Variants in SUSD5 observed in about 807,000 individuals in gnomAD.
SUSD5 encodes sushi domain containing 5, also known as sushi domain-containing protein 5.
A neutral mutation model predicts 29.5 loss-of-function variants in SUSD5; 33 were observed. That is an observed-to-expected ratio of 1.12 (90% CI 0.85 to 1.49). SUSD5 has a LOEUF of 1.49. Ranked by LOEUF, SUSD5 falls within the 40% of genes most tolerant of loss-of-function variation. SUSD5 has a pLI of 0.00. For missense variants in SUSD5, 776 were observed against 800.6 expected (o/e 0.97, Z 0.37); for synonymous variants, 308 against 325.3 (o/e 0.95, Z 0.57).
intron 3 of SUSD5, among the ~76,000 whole-genome samples, chr3:33,200,414 T>C (rs1436900952): frequency 6.6e-6 from 1 of 152,232 alleles, no homozygotes; most frequent in Non-Finnish European, 1.5e-5. Flanking sequence ...AGCTTTGGAA[T>C]TAACAGGTAG....
chr3:33,189,478 C>CAAAAAAAAAAAAAAA (rs71630568), intron 3 of SUSD5, among the ~76,000 whole-genome samples: 1 of 91,622 alleles, frequency 1.1e-5, no homozygotes, highest in Non-Finnish European at 2.0e-5. Context: ...CTCTCCTTCT[C>CAAAAAAAAAAAAAAA]AAAAAAAAAA....
chr3:33,176,417 G>C (rs2031553747), intron 3 of SUSD5, among the ~76,000 whole-genome samples: 1 of 152,184 alleles, frequency 6.6e-6, no homozygotes, highest in South Asian at 2.1e-4. Context: ...TGTAAGAACT[G>C]CCAAACTGTC....
At chr3:33,180,584 T>C (rs2031647528) in intron 3 of SUSD5, among the ~76,000 whole-genome samples, 1 of 152,110 alleles carries the variant, frequency 6.6e-6, no homozygotes, top group African/African-American at 2.4e-5. Context: ...CCCAACACTT[T>C]GGAAGGCTGA....
chr3:33,180,986 A>G (rs2031658833), intron 3 of SUSD5, among the ~76,000 whole-genome samples: 2 of 150,628 alleles, frequency 1.3e-5, no homozygotes, highest in South Asian at 4.2e-4. Flanking sequence ...CACCCAGCAA[A>G]TAATAATAAT....
Position 33,152,293 on chromosome 3 carries a change from G to C in SUSD5, c.*449C>G, listed in dbSNP as rs2030918328. 6.4e-6 allele frequency: 1 copy of C among 157,198 alleles called. No individual in the cohort carries two copies. The highest frequency in any genetic ancestry group is 2.4e-5 in the African/African-American group (1 of 41,472). 9.7% of individuals were successfully genotyped at this position (157,198 alleles called of 1,614,324 possible). On this transcript the variant is annotated 3_prime_UTR_variant, in exon 5 of 5. Coordinates refer to ENST00000309558, the MANE Select transcript of SUSD5 (RefSeq NM_015551.2). ...AAATTAGCTGGGCATGGTGGTGCATGCCTGTAATCCCACCTACTTGGGAGG... is the reference window on the plus strand; with the variant it reads ...AAATTAGCTGGGCATGGTGGTGCATCCCTGTAATCCCACCTACTTGGGAGG...
intron 4 of SUSD5, among the ~76,000 whole-genome samples, chr3:33,166,439 C>T (rs1057499840): frequency 2.0e-5 from 3 of 152,258 alleles, no homozygotes; most frequent in Admixed American, 6.5e-5. Flanking sequence ...GACACTTGAA[C>T]CCTAAAAGGT....
At chr3:33,212,462 T>C (rs1329210351) in intron 2 of SUSD5, among the ~76,000 whole-genome samples, 1 of 152,188 alleles carries the variant, frequency 6.6e-6, no homozygotes. Flanking sequence ...ATTACTTCTC[T>C]AAAGGATTCC....
At chr3:33,200,685 C>T (rs769855037) in intron 3 of SUSD5, among the ~76,000 whole-genome samples, 3 of 152,190 alleles carry the variant, frequency 2.0e-5, no homozygotes, top group Non-Finnish European at 4.4e-5. Flanking sequence ...CTAAACAACT[C>T]TGGACAGAAT....
At chr3:33,186,887 C>G (rs2125625101) in intron 3 of SUSD5, among the ~76,000 whole-genome samples, 1 of 152,292 alleles carries the variant, frequency 6.6e-6, no homozygotes, top group East Asian at 1.9e-4. Flanking sequence ...AGATCAAGTG[C>G]TTATTTCACC....
intron 2 of SUSD5, among the ~76,000 whole-genome samples, chr3:33,210,724 C>T (rs1421094056): frequency 1.3e-5 from 2 of 151,846 alleles, no homozygotes; most frequent in African/African-American, 2.4e-5. Context: ...TGGTCAGATG[C>T]TTGTTTCTAG....
chr3:33,174,986 C>T lies in SUSD5; in HGVS notation c.498G>A (p.Val166=), dbSNP rs2031517834. 3.1e-6 allele frequency: 5 copies of T among 1,614,058 alleles called. No homozygotes were observed. The highest frequency in any genetic ancestry group is 3.4e-6 in the Non-Finnish European group (4 of 1,179,904). ...GGCCCATGATGTGGCCTGGGGCACA[C>T]ACGTACAGCAGTTCATCCCCCATTT... ...GLEMGDELLY[V]CAPGHIMGHR... The change falls in exon 4 of 5, where the codon GTG becomes GTA. Residue 166 remains valine (V), a synonymous_variant. Coordinates refer to ENST00000309558, the MANE Select transcript of SUSD5 (RefSeq NM_015551.2).
chr3:33,154,277 C>G (rs1305807427), intron 4 of SUSD5, among the ~76,000 whole-genome samples: 6 of 152,164 alleles, frequency 3.9e-5, no homozygotes, highest in Non-Finnish European at 8.8e-5. Flanking sequence ...AATCCCAGCA[C>G]TTTGGGAGGC....
In SUSD5 at chr3:33,154,484, C is replaced by G. The variant is rs571074051; in HGVS notation, c.599-451G>C. Among the ~76,000 whole-genome samples the G allele has an allele frequency of 3.3e-5, 5 of 152,286 alleles. No individual in the cohort carries two copies. In the East Asian group the frequency reaches 9.6e-4, roughly 29 times the overall value. On this transcript the variant is annotated intron_variant, in intron 4 of 4. Transcript: ENST00000309558. ...GTTGCAGTGAGCCAACATCGTACCA[C>G]TGCACTCCAGCCTGGGTGACAGAGT...
chr3:33,171,570 A>G (rs1454390736), intron 4 of SUSD5, among the ~76,000 whole-genome samples: 1 of 152,196 alleles, frequency 6.6e-6, no homozygotes, highest in Non-Finnish European at 1.5e-5. Context: ...ATCTTCTTCC[A>G]GCTCTATCGT....
intron 3 of SUSD5, among the ~76,000 whole-genome samples, chr3:33,179,308 C>T (rs941972208): frequency 3.9e-5 from 6 of 152,008 alleles, no homozygotes; most frequent in African/African-American, 1.5e-4. Context: ...TTTTATGTGA[C>T]CTATGAGCCT....
intron 2 of SUSD5, among the ~76,000 whole-genome samples, chr3:33,212,055 TTAACAA>T (rs1157954901): frequency 6.6e-6 from 1 of 152,152 alleles, no homozygotes; most frequent in Non-Finnish European, 1.5e-5. Flanking sequence ...ATGGCCATAG[TTAACAA>T]TAACATATCA....
At chr3:33,165,681 A>C (rs2031288468) in intron 4 of SUSD5, among the ~76,000 whole-genome samples, 1 of 152,238 alleles carries the variant, frequency 6.6e-6, no homozygotes, top group Non-Finnish European at 1.5e-5. Flanking sequence ...GCTTGCCTAA[A>C]ATTTCACCTC....
chr3:33,211,961 C>T (rs894931049), intron 2 of SUSD5, among the ~76,000 whole-genome samples: 2 of 152,064 alleles, frequency 1.3e-5, no homozygotes, highest in Non-Finnish European at 2.9e-5. Flanking sequence ...ATACAGATAT[C>T]CAGTTTTCCC....
intron 4 of SUSD5, among the ~76,000 whole-genome samples, chr3:33,166,842 T>C (rs2031313998): frequency 6.6e-6 from 1 of 152,148 alleles, no homozygotes; most frequent in African/African-American, 2.4e-5. Flanking sequence ...AGTTCCAGTA[T>C]TGGGGATAAT....
Sources: allele counts gnomAD v4.1 joint callset (sites outside exome capture counted in the v4.1 genomes callset), GRCh38; gene constraint gnomAD v4.1.1; transcripts MANE v1.5; gene names NCBI Gene and HGNC (gene_info 2026-07-23, HGNC 2026-07-21).